Variants in MACROD2 observed in about 807,000 individuals in gnomAD.
MACROD2 encodes the protein mono-ADP ribosylhydrolase 2.
MACROD2 carries 36 observed loss-of-function variants against 70.4 expected under a neutral mutation model. That is an observed-to-expected ratio of 0.51 (90% CI 0.39 to 0.68). The LOEUF (loss-of-function observed/expected upper bound fraction) is 0.68. MACROD2 is among the 30% of genes least tolerant of loss of function. MACROD2 has a pLI of 0.00. For synonymous variants in MACROD2, 172 were observed against 178.8 expected (o/e 0.96, Z 0.30); for missense variants, 496 against 538.4 (o/e 0.92, Z 0.78).
chr20:14,230,631 T>TATA (rs1569217269), intron 3 of MACROD2, among the ~76,000 whole-genome samples: 1 of 94,256 alleles, frequency 1.1e-5, no homozygotes, highest in African/African-American at 5.5e-5. Context: ...TCATTCATGT[T>TATA]TATATATATA....
intron 2 of MACROD2, among the ~76,000 whole-genome samples, chr20:14,026,675 A>T (rs953034659): frequency 2.6e-5 from 4 of 151,578 alleles, no homozygotes; most frequent in African/African-American, 9.7e-5. Context: ...ATTGGCCCCC[A>T]CTCTCTTCTG....
chr20:14,576,414 G>A (rs1396533747), intron 4 of MACROD2, among the ~76,000 whole-genome samples: 1 of 152,178 alleles, frequency 6.6e-6, no homozygotes, highest in Non-Finnish European at 1.5e-5. Context: ...CCCTTTATGT[G>A]AGCCTGGTTC....
intron 2 of MACROD2, among the ~76,000 whole-genome samples, chr20:14,067,119 T>C (rs2053771138): frequency 7.2e-6 from 1 of 138,568 alleles, no homozygotes; most frequent in Non-Finnish European, 1.5e-5. Context: ...CCTGATTTTT[T>C]AGTGTTTTTT....
intron 8 of MACROD2, among the ~76,000 whole-genome samples, chr20:15,522,522 G>A (rs1489613891): frequency 1.3e-5 from 2 of 152,182 alleles, no homozygotes; most frequent in South Asian, 2.1e-4. Flanking sequence ...ATGGTCGTTT[G>A]AAGAATTTCA....
intron 5 of MACROD2, among the ~76,000 whole-genome samples, chr20:15,186,729 A>G (rs970893115): frequency 6.6e-6 from 1 of 152,180 alleles, no homozygotes; most frequent in South Asian, 2.1e-4. Context: ...TCAATGATGA[A>G]TGTAGTCCTT....
At chr20:15,049,684 A>C (rs1258018072) in intron 5 of MACROD2, among the ~76,000 whole-genome samples, 5 of 152,158 alleles carry the variant, frequency 3.3e-5, no homozygotes, top group Non-Finnish European at 4.4e-5. Flanking sequence ...GCGTTGGCTC[A>C]TGCCTGTAAT....
chr20:14,455,342 A>G (rs575355452), intron 3 of MACROD2, among the ~76,000 whole-genome samples: 1 of 151,922 alleles, frequency 6.6e-6, no homozygotes, highest in Admixed American at 6.5e-5. Context: ...TTCTTATTTT[A>G]TGTATTAAAA....
intron 3 of MACROD2, among the ~76,000 whole-genome samples, chr20:14,228,991 C>CAA (rs11480896): frequency 0.017 from 2,265 of 134,682 alleles, 47 homozygotes; most frequent in African/African-American, 0.048. Flanking sequence ...GACTCTGTCT[C>CAA]AAAAAAAAAA....
intron 3 of MACROD2, among the ~76,000 whole-genome samples, chr20:14,489,184 C>G (rs967057942): frequency 1.3e-5 from 2 of 152,230 alleles, no homozygotes; most frequent in Non-Finnish European, 2.9e-5. Context: ...CTCGCTTCGT[C>G]AGCTTCAAAG....
At chr20:15,405,711 C>G (rs2045991191) in intron 6 of MACROD2, among the ~76,000 whole-genome samples, 1 of 152,156 alleles carries the variant, frequency 6.6e-6, no homozygotes, top group Non-Finnish European at 1.5e-5. Flanking sequence ...TGCCATTGCC[C>G]CAGAGAAATC....
intron 13 of MACROD2, among the ~76,000 whole-genome samples, chr20:15,976,444 G>A (rs909572769): frequency 1.3e-5 from 2 of 152,234 alleles, no homozygotes; most frequent in African/African-American, 4.8e-5. Context: ...GGAGGGATTA[G>A]GGCAGAGGAC....
rs181781131 is a variant in MACROD2 at position 14,577,692 on chromosome 20, C to T, written c.301+84184C>T. ...AGCTACTCAGGAGGCTGAGGGAGGA[C>T]GATCACTTGAGCCCAGAAATTCAAG... On this transcript the variant is annotated intron_variant, in intron 4 of 17. Coordinates refer to ENST00000684519, the MANE Select transcript of MACROD2 (RefSeq NM_001351661.2). Among the ~76,000 whole-genome samples, 298 of 151,816 alleles carry T rather than the reference C, an allele frequency of 2.0e-3. 4 individuals are homozygous for T. Among genetic ancestry groups the T allele is most frequent in the Admixed American group, 0.018 (274 of 15,222 alleles).
At chr20:15,280,554 G>A (rs2077434790) in intron 6 of MACROD2, among the ~76,000 whole-genome samples, 1 of 152,144 alleles carries the variant, frequency 6.6e-6, no homozygotes, top group African/African-American at 2.4e-5. Context: ...GGACATTGGT[G>A]TGTCTTTCTG....
chr20:15,496,490 C>T (rs1044042529), intron 7 of MACROD2, among the ~76,000 whole-genome samples: 1 of 152,158 alleles, frequency 6.6e-6, no homozygotes, highest in African/African-American at 2.4e-5. Context: ...TAATTGAGAA[C>T]TGACCATAGT....
At chr20:14,148,096 G>A (rs1282125042) in intron 3 of MACROD2, among the ~76,000 whole-genome samples, 2 of 152,138 alleles carry the variant, frequency 1.3e-5, no homozygotes, top group African/African-American at 2.4e-5. Flanking sequence ...TAGAATTAAG[G>A]TAATAGTAGA....
intron 5 of MACROD2, among the ~76,000 whole-genome samples, chr20:14,734,362 G>A (rs893496945): frequency 2.0e-5 from 3 of 151,580 alleles, no homozygotes; most frequent in Non-Finnish European, 3.0e-5. Context: ...TTAGCCACGT[G>A]TAGTGGCGGG....
chr20:14,828,738 G>A (rs1011207218), intron 5 of MACROD2, among the ~76,000 whole-genome samples: 10 of 152,064 alleles, frequency 6.6e-5, no homozygotes, highest in African/African-American at 2.2e-4. Flanking sequence ...CAGGTGTAAT[G>A]AGTTTAATAT....
intron 4 of MACROD2, among the ~76,000 whole-genome samples, chr20:14,569,188 T>A (rs1980018917): frequency 6.6e-6 from 1 of 152,066 alleles, no homozygotes; most frequent in South Asian, 2.1e-4. Flanking sequence ...GAATGCTTTT[T>A]AAGAGTTACA....
chr20:15,864,425 T>C (rs2064464996), intron 9 of MACROD2, among the ~76,000 whole-genome samples: 2 of 152,186 alleles, frequency 1.3e-5, no homozygotes, highest in South Asian at 4.1e-4. Context: ...TTATAAACTT[T>C]AGACTCCTTG....
Sources: gnomAD v4.1 joint callset for allele counts (sites outside exome capture counted in the v4.1 genomes callset) on GRCh38, gnomAD v4.1.1 for gene constraint, MANE v1.5 for transcripts, NCBI Gene and HGNC (gene_info 2026-07-23, HGNC 2026-07-21) for gene names.